The following LONRF1 variants were observed in gnomAD, a reference collection of about 807,000 sequenced individuals.
The protein encoded by LONRF1 is LON peptidase N-terminal domain and ring finger 1, also known as LON peptidase N-terminal domain and RING finger protein 1.
LONRF1 carries 37 observed loss-of-function variants against 85.8 expected under a neutral mutation model. That is an observed-to-expected ratio of 0.43 (90% CI 0.33 to 0.57). The LOEUF is 0.57. LONRF1 is among the 20% of genes least tolerant of loss of function. LONRF1 has a pLI of 0.04. For synonymous variants in LONRF1, 517 were observed against 390.1 expected (o/e 1.33, Z -3.83); for missense variants, 1,036 against 978.0 (o/e 1.06, Z -0.79).
chr8:12,741,440 C>T (rs1280603981), intron 2 of LONRF1, among the ~76,000 whole-genome samples: 1 of 152,022 alleles, frequency 6.6e-6, no homozygotes, highest in African/African-American at 2.4e-5. Flanking sequence ...GAGGCCAAAG[C>T]ATTTTAAAGG....
At chr8:12,729,463 G>C in intron 8 of LONRF1, 131 bp from the exon 9 acceptor site, 1 of 904,850 alleles carries the variant, frequency 1.1e-6, no homozygotes, top group Middle Eastern at 2.9e-4. Context: ...TCTAAATAAG[G>C]TGGTTTTTAT....
chr8:12,733,156 A>AG (rs1392359659), intron 7 of LONRF1, among the ~76,000 whole-genome samples: 1 of 152,116 alleles, frequency 6.6e-6, no homozygotes, highest in Non-Finnish European at 1.5e-5. Flanking sequence ...GCATGGGGAG[A>AG]GGTGGCCTTG....
chr8:12,738,208 A>C, intron 3 of LONRF1, 64 bp from the exon 4 acceptor site: 1 of 1,080,146 alleles, frequency 9.3e-7, no homozygotes, highest in South Asian at 1.9e-5. Flanking sequence ...AATTTTGTAT[A>C]AATTTACCTA....
At chr8:12,729,569 G>A (rs1798448593) in intron 8 of LONRF1, among the ~76,000 whole-genome samples, 2 of 152,160 alleles carry the variant, frequency 1.3e-5, no homozygotes, top group Admixed American at 6.5e-5. Flanking sequence ...ATTTATAAGA[G>A]TAAACTGAAT....
At chr8:12,723,865 T>G (rs991731277) in intron 11 of LONRF1, among the ~76,000 whole-genome samples, 7 of 152,194 alleles carry the variant, frequency 4.6e-5, no homozygotes, top group African/African-American at 1.7e-4. Context: ...CTTCCAATGT[T>G]GTTCAAAAAA....
Position 12,746,841 on chromosome 8 carries a change from GCTATTA to G in LONRF1, c.722-3565_722-3560del, listed in dbSNP as rs1357160839. Among the ~76,000 whole-genome samples, 5 of 152,202 alleles carry G rather than the reference GCTATTA, an allele frequency of 3.3e-5. No individual in the cohort carries two copies. In the East Asian group the frequency reaches 9.7e-4, roughly 29 times the overall value. ...CAGAGTTCTAGCTGTTTACCTCCAT[GCTATTA>G]ATATGTTGGTAACAGTCTCTACCCC... On this transcript the variant is annotated intron_variant, in intron 1 of 11. Transcript: ENST00000398246.
In LONRF1 at chr8:12,723,080, A is replaced by G; in HGVS notation, c.*16T>C. 1 of 1,598,612 alleles carries G rather than the reference A, an allele frequency of 6.3e-7. No individual in the cohort carries two copies. The highest frequency in any genetic ancestry group is 1.3e-5 in the African/African-American group (1 of 74,694). On this transcript the variant is annotated 3_prime_UTR_variant, in exon 12 of 12. Transcript: ENST00000398246. ...GCCAGATTAGGGTCACTTTAAAGGG[A>G]GATCCAAAGAGTTAGTTACTTAGAT...
At chr8:12,731,134 T>C (rs1168484035) in intron 8 of LONRF1, among the ~76,000 whole-genome samples, 1 of 152,156 alleles carries the variant, frequency 6.6e-6, no homozygotes, top group Non-Finnish European at 1.5e-5. Context: ...TGGCCCTGCC[T>C]ACCCAGCTCC....
intron 10 of LONRF1, among the ~76,000 whole-genome samples, chr8:12,726,320 G>A (rs906000127): frequency 2.0e-5 from 3 of 151,752 alleles, no homozygotes; most frequent in African/African-American, 7.3e-5. Flanking sequence ...ACAGAAAGTA[G>A]TAACAGGAGG....
chr8:12,729,354 T>G, intron 8 of LONRF1, 22 bp from the exon 9 acceptor site: 1 of 1,608,978 alleles, frequency 6.2e-7, no homozygotes, highest in Non-Finnish European at 8.5e-7. Flanking sequence ...ACAGTTTAAT[T>G]ATTAGAATTC....
At chr8:12,728,877 C>G in intron 10 of LONRF1, 24 bp downstream of exon 10, 1 of 1,613,032 alleles carries the variant, frequency 6.2e-7, no homozygotes, top group Non-Finnish European at 8.5e-7. Flanking sequence ...CGAAAGTATG[C>G]TGGCAAAGCA....
At chr8:12,752,168 TTTCA>T (rs1799434246) in intron 1 of LONRF1, among the ~76,000 whole-genome samples, 3 of 152,162 alleles carry the variant, frequency 2.0e-5, no homozygotes, top group Admixed American at 6.5e-5. Context: ...GAAGATCTTT[TTTCA>T]TTATCAACAA....
chr8:12,725,637 C>T (rs746143518), intron 11 of LONRF1, 90 bp downstream of exon 11: 29 of 1,327,390 alleles, frequency 2.2e-5, no homozygotes, highest in Non-Finnish European at 3.0e-5. Context: ...AAAAGTAGTG[C>T]AGAAAGGACA....
intron 3 of LONRF1, among the ~76,000 whole-genome samples, 185 bp downstream of exon 3, chr8:12,740,689 C>T (rs1798897856): frequency 6.6e-6 from 1 of 152,138 alleles, no homozygotes; most frequent in East Asian, 1.9e-4. Flanking sequence ...TGAAATGTTT[C>T]GATTTCACTA....
intron 7 of LONRF1, among the ~76,000 whole-genome samples, chr8:12,732,969 T>C (rs1320682041): frequency 6.6e-6 from 1 of 152,086 alleles, no homozygotes; most frequent in East Asian, 1.9e-4. Flanking sequence ...GAAGAGTAGA[T>C]GGGGAAATGC....
intron 3 of LONRF1, among the ~76,000 whole-genome samples, chr8:12,740,163 T>C (rs1336602504): frequency 2.0e-5 from 3 of 152,172 alleles, no homozygotes; most frequent in Non-Finnish European, 4.4e-5. Flanking sequence ...TTTGAGTATG[T>C]GCAGGAAAGC....
chr8:12,725,196 C>T (rs974034690), intron 11 of LONRF1, among the ~76,000 whole-genome samples: 1 of 152,022 alleles, frequency 6.6e-6, no homozygotes, highest in Admixed American at 6.5e-5. Context: ...TAAGTACCTG[C>T]AAGACTAAAA....
chr8:12,748,468 A>G (rs1799253302), intron 1 of LONRF1, among the ~76,000 whole-genome samples: 1 of 152,200 alleles, frequency 6.6e-6, no homozygotes, highest in South Asian at 2.1e-4. Context: ...AAGTTTTGGC[A>G]TTATATGCAT....
intron 1 of LONRF1, 42 bp from the exon 2 acceptor site, chr8:12,743,324 A>G: frequency 8.7e-7 from 1 of 1,154,586 alleles, no homozygotes; most frequent in Non-Finnish European, 1.3e-6. Flanking sequence ...TTTTTAAAAG[A>G]TTATTACATA....
Sources: allele counts gnomAD v4.1 joint callset (sites outside exome capture counted in the v4.1 genomes callset), GRCh38; gene constraint gnomAD v4.1.1; transcripts MANE v1.5; gene names NCBI Gene and HGNC (gene_info 2026-07-23, HGNC 2026-07-21).